The following NANOS3 variants were observed in gnomAD, a reference collection of about 807,000 sequenced individuals.
NANOS3 encodes nanos C2HC-type zinc finger 3.
NANOS3 carries 11 observed loss-of-function variants against 13.8 expected under a neutral mutation model. The observed-to-expected ratio is 0.80, with a 90% CI of 0.50 to 1.32. NANOS3 has a LOEUF of 1.32. Among genes scored for constraint, NANOS3 ranks in the 40% most tolerant of loss-of-function variants. The probability of loss-of-function intolerance (pLI) is 0.00; values close to 1 mark genes in which losing one functional copy is unlikely to be tolerated. For missense variants in NANOS3, 221 were observed against 263.8 expected (o/e 0.84, Z 1.12); for synonymous variants, 119 against 115.4 (o/e 1.03, Z -0.20).
intron 1 of NANOS3, among the ~76,000 whole-genome samples, chr19:13,866,148 G>A (rs1976236411): frequency 1.3e-5 from 2 of 152,182 alleles, no homozygotes; most frequent in African/African-American, 2.4e-5. Context: ...TTTGCGAACA[G>A]GAACCCGCCC....
upstream of NANOS3, among the ~76,000 whole-genome samples, chr19:13,864,576 G>A (rs1051711223): frequency 6.6e-6 from 1 of 152,056 alleles, no homozygotes; most frequent in African/African-American, 2.4e-5. Flanking sequence ...AGGTTATTTT[G>A]TGTGTGTCAC....
At chr19:13,875,011 C>A (rs745608138), upstream of NANOS3, 1 of 484,594 alleles carries the variant, frequency 2.1e-6, no homozygotes, top group Non-Finnish European at 4.3e-6. Context: ...GGAATGGGGA[C>A]TGGGGACAGG....
chr19:13,864,866 G>C (rs1976207899), upstream of NANOS3, among the ~76,000 whole-genome samples: 1 of 152,130 alleles, frequency 6.6e-6, no homozygotes, highest in African/African-American at 2.4e-5. Flanking sequence ...GTGCGGCCCG[G>C]CACGCCCGCA....
intron 1 of NANOS3, among the ~76,000 whole-genome samples, chr19:13,870,901 C>G (rs1261813191): frequency 6.6e-6 from 1 of 151,690 alleles, no homozygotes. Flanking sequence ...TTTTAGAGGG[C>G]CGTCCCCCAC....
upstream of NANOS3, among the ~76,000 whole-genome samples, chr19:13,876,602 C>T (rs1470372380): frequency 1.3e-5 from 2 of 152,096 alleles, no homozygotes; most frequent in Non-Finnish European, 2.9e-5. Flanking sequence ...GGGGCATGAT[C>T]CTTCCCCCCT....
chr19:13,867,657 A>G (rs1261763463), intron 1 of NANOS3, among the ~76,000 whole-genome samples: 3 of 151,642 alleles, frequency 2.0e-5, no homozygotes, highest in African/African-American at 7.3e-5. Flanking sequence ...AAACTCTCAG[A>G]CTCAAATGAT....
At position 13,877,638 on chromosome 19, in the gene NANOS3, T is replaced by A; in HGVS notation, c.390T>A (p.Leu130=). Reference sequence around the variant, plus strand: ...CCCACACCCGACGCTTCTGCCCACTTACTGGCCAGGGCTACACCTCCGTCT... The same window carrying A: ...CCCACACCCGACGCTTCTGCCCACTAACTGGCCAGGGCTACACCTCCGTCT... The part of the protein sequence containing the change: ...ERAHTRRFCP[L]TGQGYTSVYS... Residue 130 remains leucine, a synonymous_variant, in exon 1 of 2, where the codon CTT becomes CTA. Coordinates refer to ENST00000339133, the MANE Select transcript of NANOS3 (RefSeq NM_001098622.3). The A allele has an allele frequency of 6.2e-7, 1 of 1,612,310 alleles. No individual in the cohort carries two copies. The highest frequency in any genetic ancestry group is 2.2e-5 in the East Asian group (1 of 44,862).
upstream of NANOS3, among the ~76,000 whole-genome samples, chr19:13,863,702 G>T (rs940373261): frequency 7.9e-5 from 12 of 152,118 alleles, no homozygotes; most frequent in African/African-American, 2.2e-4. Context: ...ACTTCCTTTG[G>T]GAGAGGTTAG....
chr19:13,880,609 A>T lies in NANOS3; in HGVS notation c.*106A>T. 2.0e-6 allele frequency: 2 copies of T among 977,864 alleles called. No homozygotes were observed. The highest frequency in any genetic ancestry group is 1.6e-6 in the Non-Finnish European group (1 of 620,306). 60.6% of individuals were successfully genotyped at this position (977,864 alleles called of 1,614,324 possible). ...TCCCAGACCCTCCCCCCAGCCTGGG[A>T]TTGAGCCCTGGGGATGACCCGGGGT... On this transcript the variant is annotated 3_prime_UTR_variant, in exon 2 of 2. Coordinates refer to ENST00000339133, the MANE Select transcript of NANOS3 (RefSeq NM_001098622.3).
intron 1 of NANOS3, among the ~76,000 whole-genome samples, chr19:13,870,312 CTCAG>C (rs1479658256): frequency 2.0e-5 from 3 of 152,084 alleles, no homozygotes; most frequent in Admixed American, 6.6e-5. Flanking sequence ...AACTCCTGTG[CTCAG>C]TCAGTCTTCC....
Position 13,880,490 on chromosome 19 carries a change from C to G in NANOS3, c.566C>G (p.Ser189Cys). Reference protein sequence around the residue: ...KSEPSPSCSPSMST With the variant: ...KSEPSPSCSPCMST ...GAGCCTTCGCCCTCCTGCTCTCCCT[C>G]CATGTCCACCTAGGAGGCTGCCTAC... The change falls in exon 2 of 2, where the codon TCC (serine) becomes TGC (cysteine). Residue 189 changes from serine to cysteine, a missense_variant. Around this residue, in one of 3 missense-constraint regions of NANOS3, gnomAD observed 60 missense variants for 56.5 expected, o/e 1.06. Coordinates refer to ENST00000339133, the MANE Select transcript of NANOS3 (RefSeq NM_001098622.3). The G allele has an allele frequency of 1.2e-6, 2 of 1,613,910 alleles. No individual in the cohort carries two copies. The highest frequency in any genetic ancestry group is 1.7e-6 in the Non-Finnish European group (2 of 1,179,870).
chr19:13,875,004 ATGGGGAC>A (rs1968481621), upstream of NANOS3: 1 of 500,154 alleles, frequency 2.0e-6, no homozygotes, highest in African/African-American at 2.0e-5. Flanking sequence ...CTTAAGGGGA[ATGGGGAC>A]TGGGGACAGG....
At chr19:13,874,462 A>G (rs1461381029), upstream of NANOS3, among the ~76,000 whole-genome samples, 2 of 152,174 alleles carry the variant, frequency 1.3e-5, no homozygotes, top group Admixed American at 6.5e-5. Context: ...TTACTTAAGG[A>G]GCGGGCTTGA....
At chr19:13,870,976 G>A (rs995051188) in intron 1 of NANOS3, among the ~76,000 whole-genome samples, 7 of 151,808 alleles carry the variant, frequency 4.6e-5, no homozygotes, top group African/African-American at 1.5e-4. Context: ...GTCAGGTGAG[G>A]GGTCCCAGGA....
At chr19:13,874,998 AGGGGAAT>A (rs765391820), upstream of NANOS3, 6 of 508,590 alleles carry the variant, frequency 1.2e-5, no homozygotes, top group Non-Finnish European at 2.4e-5. Context: ...ACACGGCTTA[AGGGGAAT>A]GGGGACTGGG....
At chr19:13,863,604 C>T (rs939772629), upstream of NANOS3, among the ~76,000 whole-genome samples, 1 of 152,110 alleles carries the variant, frequency 6.6e-6, no homozygotes, top group African/African-American at 2.4e-5. Flanking sequence ...CTGGCCCCCC[C>T]CAACCCCATG....
At chr19:13,862,539 T>C (rs1187150541), upstream of NANOS3, among the ~76,000 whole-genome samples, 2 of 151,924 alleles carry the variant, frequency 1.3e-5, no homozygotes, top group Non-Finnish European at 2.9e-5. Flanking sequence ...CTTTTTTTTT[T>C]CTTTTTTCTT....
At position 13,877,207 on chromosome 19, in the gene NANOS3, T is replaced by TAA. The variant is rs1168048469; in HGVS notation, c.-42_-41insAA. ...GGGAGCTTAAGCCAGGCAGGGTTAC[T>TAA]TGTCTCTGTGACTCCTTCCGCCTGG... On this transcript the variant is annotated 5_prime_UTR_variant, in exon 1 of 2. In the 5' UTR this introduces an upstream ATG that the reference lacks. Transcript: ENST00000339133. 3.2e-6 allele frequency: 5 copies of TAA among 1,544,558 alleles called. No homozygotes were observed. The African/African-American group carries it at 4.1e-5, about 13-fold the overall frequency.
At chr19:13,875,596 G>A (rs1968493309), upstream of NANOS3, among the ~76,000 whole-genome samples, 1 of 152,096 alleles carries the variant, frequency 6.6e-6, no homozygotes, top group African/African-American at 2.4e-5. Flanking sequence ...AGGCTGGAGT[G>A]CAATGGTGTG....
Sources: allele counts gnomAD v4.1 joint callset (sites outside exome capture counted in the v4.1 genomes callset), GRCh38; gene constraint gnomAD v4.1.1; regional missense constraint gnomAD v4.1.1; transcripts MANE v1.5; gene names NCBI Gene and HGNC (gene_info 2026-07-23, HGNC 2026-07-21).